The following PLCB1 variants were observed in gnomAD, a reference collection of about 807,000 sequenced individuals.
PLCB1 encodes 1-phosphatidylinositol 4,5-bisphosphate phosphodiesterase beta-1.
A neutral mutation model predicts 161.8 loss-of-function variants in PLCB1; 46 were observed. The observed-to-expected ratio is 0.28, with a 90% CI of 0.22 to 0.36. PLCB1 has a LOEUF of 0.36. Among genes scored for constraint, PLCB1 ranks in the 10% least tolerant of loss-of-function variants. The probability of loss-of-function intolerance (pLI) is 1.00; values close to 1 mark genes in which losing one functional copy is unlikely to be tolerated. For missense variants in PLCB1, 1,016 were observed against 1,472.5 expected, an observed-to-expected ratio of 0.69 and a Z score of 5.07; for synonymous variants, 517 against 503.7, an observed-to-expected ratio of 1.03 and a Z score of -0.35.
chr20:8,633,788 A>G (rs1988676031), intron 4 of PLCB1, among the ~76,000 whole-genome samples: 1 of 152,176 alleles, frequency 6.6e-6, no homozygotes, highest in African/African-American at 2.4e-5. Flanking sequence ...AGCACCCTAG[A>G]TATCCACCCT....
chr20:8,288,158 C>T (rs1258626978), intron 2 of PLCB1, among the ~76,000 whole-genome samples: 1 of 152,076 alleles, frequency 6.6e-6, no homozygotes, highest in Non-Finnish European at 1.5e-5. Context: ...TTAGGTCTGC[C>T]CTTCTCTATC....
intron 27 of PLCB1, among the ~76,000 whole-genome samples, chr20:8,785,379 GTA>G (rs1335477817): frequency 6.0e-4 from 92 of 152,282 alleles, no homozygotes; most frequent in African/African-American, 2.1e-3. Context: ...CTTGCCACTG[GTA>G]TGTGGACTAC....
intron 31 of PLCB1, among the ~76,000 whole-genome samples, chr20:8,843,924 G>A (rs930924876): frequency 1.3e-5 from 2 of 152,096 alleles, no homozygotes; most frequent in Non-Finnish European, 1.5e-5. Flanking sequence ...ATCCTTTGCC[G>A]AGGCTACTGC....
At chr20:8,379,636 T>A (rs1987201664) in intron 3 of PLCB1, among the ~76,000 whole-genome samples, 1 of 152,206 alleles carries the variant, frequency 6.6e-6, no homozygotes, top group Non-Finnish European at 1.5e-5. Context: ...TTTTTAATAA[T>A]CACGATTCTG....
rs554124158 is a variant in PLCB1 at position 8,711,830 on chromosome 20, C to A, written c.1250+3078C>A. On this transcript the variant is annotated intron_variant, in intron 12 of 31. Coordinates refer to ENST00000338037, the MANE Select transcript of PLCB1 (RefSeq NM_015192.4). ...TCTTTCCCACTAACCCTAGAAATAA[C>A]CTCAGAATCCTTCTCAACACAGTGA... Among the ~76,000 whole-genome samples the A allele has an allele frequency of 3.9e-5, 6 of 152,290 alleles. No individual in the cohort carries two copies. In the South Asian group the frequency reaches 1.2e-3, roughly 32 times the overall value.
intron 4 of PLCB1, among the ~76,000 whole-genome samples, 195 bp from the exon 5 acceptor site, chr20:8,645,907 A>G (rs564245906): frequency 1.3e-5 from 2 of 152,366 alleles, no homozygotes; most frequent in South Asian, 4.1e-4. Flanking sequence ...TCTCCTTTGG[A>G]AAAGAGTAGT....
rs550843478 is a variant in PLCB1 at position 8,153,054 on chromosome 20, G to T, written c.177+2683G>T. 4.6e-5 allele frequency among the ~76,000 whole-genome samples: 7 copies of T among 152,052 alleles called. 1 individual carries two copies. In the South Asian group the frequency reaches 1.5e-3, roughly 32 times the overall value. ...TGCTACCTTCCAAAACCCCTCCTTT[G>T]ATTTGTCACCACAGAAATGATAGGT... On this transcript the variant is annotated intron_variant, in intron 2 of 31. Transcript: ENST00000338037.
At chr20:8,233,793 A>G (rs1042510448) in intron 2 of PLCB1, among the ~76,000 whole-genome samples, 2 of 152,128 alleles carry the variant, frequency 1.3e-5, no homozygotes, top group Non-Finnish European at 2.9e-5. Context: ...AACAGCATAG[A>G]TAAGCTGTGC....
At chr20:8,681,114 AT>A (rs1568558258) in intron 9 of PLCB1, among the ~76,000 whole-genome samples, 5,153 of 112,932 alleles carry the variant, frequency 0.046, 487 homozygotes, top group African/African-American at 0.19. Context: ...ATATATATAT[AT>A]ATATAATATA....
At chr20:8,133,774 A>C (rs191114529) in intron 1 of PLCB1, among the ~76,000 whole-genome samples, 53 of 152,340 alleles carry the variant, frequency 3.5e-4, no homozygotes, top group Non-Finnish European at 4.4e-5. Flanking sequence ...AGCAAATTTA[A>C]GTCCAAATGA....
chr20:8,259,714 A>G (rs572882451), intron 2 of PLCB1, among the ~76,000 whole-genome samples: 1 of 152,250 alleles, frequency 6.6e-6, no homozygotes, highest in South Asian at 2.1e-4. Flanking sequence ...TTCCCATTTG[A>G]TTACCATTGT....
chr20:8,759,526 G>C (rs1725345435), intron 24 of PLCB1, among the ~76,000 whole-genome samples: 1 of 152,204 alleles, frequency 6.6e-6, no homozygotes, highest in Admixed American at 6.5e-5. Flanking sequence ...TTGAGACAGA[G>C]TTTGGCTCTT....
At chr20:8,220,577 T>C (rs922329175) in intron 2 of PLCB1, among the ~76,000 whole-genome samples, 12 of 151,904 alleles carry the variant, frequency 7.9e-5, no homozygotes, top group African/African-American at 2.7e-4. Context: ...GAGGCCGAGA[T>C]TGGGGTGATA....
At chr20:8,858,912 CAAA>C (rs11482207) in intron 31 of PLCB1, among the ~76,000 whole-genome samples, 2 of 111,534 alleles carry the variant, frequency 1.8e-5, no homozygotes, top group Non-Finnish European at 1.8e-5. Flanking sequence ...TTTGAGTGTG[CAAA>C]AAAAAAAAAA....
At chr20:8,245,219 T>C (rs1980821604) in intron 2 of PLCB1, among the ~76,000 whole-genome samples, 1 of 151,816 alleles carries the variant, frequency 6.6e-6, no homozygotes, top group African/African-American at 2.4e-5. Context: ...TTACTTTACC[T>C]CTCTATTGTC....
chr20:8,385,685 A>G (rs1987406354), intron 3 of PLCB1, among the ~76,000 whole-genome samples: 1 of 152,186 alleles, frequency 6.6e-6, no homozygotes, highest in Non-Finnish European at 1.5e-5. Flanking sequence ...TGGGTTGCAC[A>G]GTTCTGTGGA....
At chr20:8,760,326 C>A in intron 24 of PLCB1, 81 bp from the exon 25 acceptor site, 1 of 782,840 alleles carries the variant, frequency 1.3e-6, no homozygotes, top group Non-Finnish European at 2.1e-6. Context: ...AGATTCAAGG[C>A]CCAAATATGT....
intron 3 of PLCB1, among the ~76,000 whole-genome samples, chr20:8,480,485 C>A (rs1204576055): frequency 6.6e-6 from 1 of 151,950 alleles, no homozygotes; most frequent in Non-Finnish European, 1.5e-5. Context: ...TAAGTTCTCT[C>A]CAATCTGCCT....
At chr20:8,826,958 G>A (rs990882367) in intron 31 of PLCB1, among the ~76,000 whole-genome samples, 4 of 152,110 alleles carry the variant, frequency 2.6e-5, no homozygotes, top group Non-Finnish European at 4.4e-5. Context: ...TAGAGTTTAT[G>A]TACTGTCATT....
Sources: allele counts gnomAD v4.1 joint callset (sites outside exome capture counted in the v4.1 genomes callset), GRCh38; gene constraint gnomAD v4.1.1; transcripts MANE v1.5; gene names NCBI Gene and HGNC (gene_info 2026-07-23, HGNC 2026-07-21).